Variants in PELI2 observed in about 807,000 individuals in gnomAD.
The protein encoded by PELI2 is pellino E3 ubiquitin protein ligase family member 2, also known as E3 ubiquitin-protein ligase pellino homolog 2.
PELI2 carries 23 observed loss-of-function variants against 42.3 expected under a neutral mutation model. The ratio of observed to expected loss-of-function variants is 0.54; its 90% CI spans 0.39 to 0.77. The LOEUF (loss-of-function observed/expected upper bound fraction) is 0.77, where lower values mean the gene tolerates loss of function less well. Among genes scored for constraint, PELI2 ranks in the 30% least tolerant of loss-of-function variants. PELI2 has a pLI of 0.00. For synonymous variants in PELI2, 245 were observed against 212.2 expected (o/e 1.15, Z -1.34); for missense variants, 463 against 553.2 (o/e 0.84, Z 1.64).
At chr14:56,230,817 A>G (rs962939393) in intron 2 of PELI2, among the ~76,000 whole-genome samples, 1 of 152,374 alleles carries the variant, frequency 6.6e-6, no homozygotes, top group East Asian at 1.9e-4. Flanking sequence ...AATTGGATAA[A>G]GAGTCAAGAC....
intron 1 of PELI2, among the ~76,000 whole-genome samples, chr14:56,175,347 G>A (rs1010632007): frequency 3.3e-5 from 5 of 152,172 alleles, no homozygotes; most frequent in African/African-American, 7.2e-5. Flanking sequence ...TCTCTAATGC[G>A]TCCTGCCATG....
At chr14:56,211,079 C>T (rs1886697326) in intron 2 of PELI2, among the ~76,000 whole-genome samples, 1 of 152,138 alleles carries the variant, frequency 6.6e-6, no homozygotes, top group Non-Finnish European at 1.5e-5. Context: ...TGTTTTAGCC[C>T]ACCGGTGGTA....
intron 2 of PELI2, among the ~76,000 whole-genome samples, chr14:56,220,373 G>A (rs1330154960): frequency 3.9e-5 from 6 of 152,170 alleles, no homozygotes. Context: ...TAAGGGAAAG[G>A]AAAATGATAG....
At chr14:56,125,780 C>T (rs374794952) in intron 1 of PELI2, among the ~76,000 whole-genome samples, 29 of 152,264 alleles carry the variant, frequency 1.9e-4, no homozygotes, top group East Asian at 1.2e-3. Context: ...TCCACCAGAG[C>T]GTATTGCCCC....
chr14:56,213,278 T>G (rs78270739), intron 2 of PELI2, among the ~76,000 whole-genome samples: 2,633 of 152,330 alleles, frequency 0.017, 81 homozygotes, highest in African/African-American at 0.06. Context: ...GTTACAGTTT[T>G]TATCATCATG....
intron 1 of PELI2, among the ~76,000 whole-genome samples, chr14:56,161,353 C>T (rs775384372): frequency 2.7e-5 from 4 of 150,880 alleles, no homozygotes; most frequent in Admixed American, 6.6e-5. Flanking sequence ...TGGTGCCAGG[C>T]TGGAGTGCAG....
chr14:56,257,133 CAAAT>C (rs1566668496), intron 2 of PELI2, among the ~76,000 whole-genome samples: 1 of 152,032 alleles, frequency 6.6e-6, no homozygotes. Flanking sequence ...ACCTTGATAA[CAAAT>C]AAGTATATTT....
chr14:56,234,514 C>T (rs10132757), intron 2 of PELI2, among the ~76,000 whole-genome samples: 47,478 of 152,026 alleles, frequency 0.31, 9,150 homozygotes, highest in African/African-American at 0.55. Flanking sequence ...GAAAACCAAA[C>T]ACCATGTGTT....
intron 1 of PELI2, among the ~76,000 whole-genome samples, chr14:56,165,604 T>C (rs914032759): frequency 6.6e-6 from 1 of 152,198 alleles, no homozygotes; most frequent in Non-Finnish European, 1.5e-5. Flanking sequence ...AGATTCATTT[T>C]TTCCATAGTG....
intron 2 of PELI2, among the ~76,000 whole-genome samples, chr14:56,262,489 C>T (rs1888745718): frequency 6.6e-6 from 1 of 152,114 alleles, no homozygotes; most frequent in Admixed American, 6.5e-5. Context: ...ATGTTTCTCA[C>T]AACCAATTCT....
At chr14:56,140,286 T>G (rs1883857689) in intron 1 of PELI2, among the ~76,000 whole-genome samples, 1 of 152,226 alleles carries the variant, frequency 6.6e-6, no homozygotes, top group Non-Finnish European at 1.5e-5. Flanking sequence ...AAATTCCTTC[T>G]ACCCCATTGT....
intron 2 of PELI2, among the ~76,000 whole-genome samples, chr14:56,246,305 T>A (rs1297934357): frequency 4.6e-5 from 7 of 152,146 alleles, no homozygotes; most frequent in African/African-American, 1.4e-4. Flanking sequence ...TCAAATCTGA[T>A]CCCCCTTCCC....
intron 1 of PELI2, among the ~76,000 whole-genome samples, chr14:56,169,179 G>C (rs546633624): frequency 1.3e-5 from 2 of 152,182 alleles, no homozygotes; most frequent in African/African-American, 4.8e-5. Flanking sequence ...TCCCTGGGCT[G>C]TTCCAGCTGG....
rs1241380363 is a variant in PELI2 at position 56,197,941 on chromosome 14, A to G, written c.207+19477A>G. Among the ~76,000 whole-genome samples, 6 of 144,234 alleles carry G rather than the reference A, an allele frequency of 4.2e-5. No homozygotes were observed. The South Asian group carries it at 1.3e-3, about 31-fold the overall frequency. The allele number at this position is 144,234 out of a possible 152,430, so 94.6% of individuals were successfully genotyped here. On this transcript the variant is annotated intron_variant, in intron 2 of 5. Transcript: ENST00000267460. This position sits in a 1 kb window ranked among gnomAD's most constrained non-coding sequence, Gnocchi z 4.9. ...GACACACACACACACACACACACAC[A>G]CACACACCAGGGATCATGACTGGTG... is the stretch of plus-strand genomic sequence containing the variant.
intron 2 of PELI2, among the ~76,000 whole-genome samples, chr14:56,212,150 G>A (rs1363932726): frequency 6.6e-6 from 1 of 152,272 alleles, no homozygotes; most frequent in South Asian, 2.1e-4. Context: ...CAGAGACCCC[G>A]TTTTCTTAGG....
intron 5 of PELI2, among the ~76,000 whole-genome samples, chr14:56,292,013 G>A (rs148022825): frequency 2.8e-4 from 42 of 152,290 alleles, no homozygotes; most frequent in African/African-American, 1.0e-3. Flanking sequence ...GAGTCCGTGG[G>A]GAGCGCCTTT....
At position 56,178,390 on chromosome 14, in the gene PELI2, C is replaced by T. The variant is rs779099940; in HGVS notation, c.133C>T (p.Leu45Phe). The T allele has an allele frequency of 1.2e-6, 2 of 1,614,014 alleles. No individual in the cohort carries two copies. The highest frequency in any genetic ancestry group is 1.7e-6 in the Non-Finnish European group (2 of 1,179,886). ...DRGRRKSRFA[L>F]YKRPKANGVK... ...AGGACGGAGGAAAAGTAGATTTGCC[C>T]TCTACAAGCGGCCCAAGGCAAATGG... The change falls in exon 2 of 6, where the codon CTC becomes TTC. Residue 45 changes from leucine (L) to phenylalanine (F), a missense_variant. Leu to Phe is a conservative substitution (Grantham distance 22). Coordinates refer to ENST00000267460, the MANE Select transcript of PELI2 (RefSeq NM_021255.3).
intron 2 of PELI2, among the ~76,000 whole-genome samples, chr14:56,183,421 GT>G (rs1164620919): frequency 6.6e-6 from 1 of 152,022 alleles, no homozygotes; most frequent in East Asian, 1.9e-4. Flanking sequence ...TTATCTGAGA[GT>G]TTTGACAAGG....
At chr14:56,262,290 C>T (rs1295358661) in intron 2 of PELI2, among the ~76,000 whole-genome samples, 2 of 152,160 alleles carry the variant, frequency 1.3e-5, no homozygotes, top group Non-Finnish European at 2.9e-5. Context: ...AAGAAATAAA[C>T]ATTTTACCTA....
Sources: gnomAD v4.1 joint callset for allele counts (sites outside exome capture counted in the v4.1 genomes callset) on GRCh38, gnomAD v4.1.1 for gene constraint, Gnocchi (gnomAD v3.1) non-coding constraint, MANE v1.5 for transcripts, NCBI Gene and HGNC (gene_info 2026-07-23, HGNC 2026-07-21) for gene names.